NBEAL1: variants seen among roughly 807,000 people sequenced by gnomAD.
NBEAL1 encodes neurobeachin-like protein 1.
Under a neutral mutation model 351.3 loss-of-function variants are expected in NBEAL1, and 273 were observed. That is an observed-to-expected ratio of 0.78 (90% CI 0.70 to 0.86). NBEAL1 has a LOEUF of 0.86. Ranked by LOEUF, NBEAL1 falls within the 40% of genes least tolerant of loss-of-function variation. The pLI is 0.00. For synonymous variants in NBEAL1, 1,050 were observed against 1,086.4 expected (o/e 0.97, Z 0.66); for missense variants, 2,961 against 3,201.3 (o/e 0.92, Z 1.81).
Position 203,121,588 on chromosome 2 carries a change from G to A in NBEAL1, c.2593-666G>A, listed in dbSNP as rs183663622. Among the ~76,000 whole-genome samples the A allele has an allele frequency of 4.6e-3, 691 of 150,070 alleles. 8 individuals carry two copies. Among genetic ancestry groups the A allele is most frequent in the African/African-American group, 0.016 (656 of 40,840 alleles). On this transcript the variant is annotated intron_variant, in intron 18 of 55. Transcript: ENST00000683969. ...AATTGCTCGAATCTGGGAGGCAGAG[G>A]TTGCAGTGAGCCAAGATCACACCAC...
chr2:203,117,947 G>T (rs1008320034), intron 18 of NBEAL1, among the ~76,000 whole-genome samples: 1 of 151,562 alleles, frequency 6.6e-6, no homozygotes, highest in East Asian at 1.9e-4. Flanking sequence ...CTTCAGCTTC[G>T]CGAAGTGTTG....
intron 48 of NBEAL1, among the ~76,000 whole-genome samples, chr2:203,198,115 T>C (rs1469988360): frequency 6.8e-6 from 1 of 146,888 alleles, no homozygotes; most frequent in Admixed American, 7.0e-5. Context: ...TGGGCTCAGG[T>C]GACCCTTCCA....
At chr2:203,052,726 A>ATTTC (rs1411857832) in intron 4 of NBEAL1, among the ~76,000 whole-genome samples, 2 of 143,136 alleles carry the variant, frequency 1.4e-5, no homozygotes, top group African/African-American at 5.0e-5. Context: ...CCAGTTATTT[A>ATTTC]TTTATTTATT....
At position 203,050,074 on chromosome 2, in the gene NBEAL1, A is replaced by G. The variant is rs185034847; in HGVS notation, c.305+99A>G. ...GAGGGGAACATCACACACTGGGCCT[A>G]TTGGTGGGTAGGGTGCTAGGAGAGG... On this transcript the variant is annotated intron_variant, in intron 4 of 55. Coordinates refer to ENST00000683969, the MANE Select transcript of NBEAL1 (RefSeq NM_001378026.1). 1.3e-4 allele frequency: 148 copies of G among 1,113,686 alleles called. 1 individual carries two copies. The highest frequency in any genetic ancestry group is 1.0e-3 in the African/African-American group (67 of 64,344). The allele number at this position is 1,113,686 out of a possible 1,614,324, so 69.0% of individuals were successfully genotyped here.
intron 36 of NBEAL1, among the ~76,000 whole-genome samples, chr2:203,159,500 A>C (rs1026937768): frequency 6.6e-6 from 1 of 152,152 alleles, no homozygotes; most frequent in African/African-American, 2.4e-5. Context: ...AATGTTTTCA[A>C]GATTCATTCG....
chr2:203,165,962 G>A (rs2064117293), intron 36 of NBEAL1, among the ~76,000 whole-genome samples, 187 bp from the exon 37 acceptor site: 1 of 152,144 alleles, frequency 6.6e-6, no homozygotes, highest in South Asian at 2.1e-4. Context: ...AGGATTGCTT[G>A]AGCCCAGGAG....
In NBEAL1 at chr2:203,172,514, T is replaced by A. The variant is rs192818224; in HGVS notation, c.6199-215T>A. On this transcript the variant is annotated intron_variant, in intron 40 of 55. Coordinates refer to ENST00000683969, the MANE Select transcript of NBEAL1 (RefSeq NM_001378026.1). Reference sequence around the variant, plus strand: ...CCAGCCTGGGTGACAGAGCAAGACTTTGTCTCAAAAAAAAAGAAAAGAAAA... The same window carrying A: ...CCAGCCTGGGTGACAGAGCAAGACTATGTCTCAAAAAAAAAGAAAAGAAAA... Among the ~76,000 whole-genome samples the A allele has an allele frequency of 9.9e-5, 15 of 151,960 alleles. No homozygotes were observed. The East Asian group carries it at 2.9e-3, about 29-fold the overall frequency.
chr2:203,059,787 G>C lies in NBEAL1; in HGVS notation c.515+2334G>C, dbSNP rs577061426. ...TTGTCCCAGCTACTGGGGATGCCGA[G>C]GTGGGAGGACTGATTGAGCCCAATA... is the stretch of plus-strand genomic sequence containing the variant. On this transcript the variant is annotated intron_variant, in intron 6 of 55. Coordinates refer to ENST00000683969, the MANE Select transcript of NBEAL1 (RefSeq NM_001378026.1). Among the ~76,000 whole-genome samples, 9 of 152,308 alleles carry C rather than the reference G, an allele frequency of 5.9e-5. No individual in the cohort carries two copies. The South Asian group carries it at 1.5e-3, about 25-fold the overall frequency.
intron 2 of NBEAL1, among the ~76,000 whole-genome samples, chr2:203,032,966 G>T (rs1227174098): frequency 6.6e-6 from 1 of 151,044 alleles, no homozygotes; most frequent in Non-Finnish European, 1.5e-5. Context: ...TGCCCATCTG[G>T]AAGTTGTACC....
chr2:203,177,567 G>A (rs755762594), intron 42 of NBEAL1, among the ~76,000 whole-genome samples: 72 of 152,104 alleles, frequency 4.7e-4, no homozygotes, highest in Non-Finnish European at 2.1e-4. Context: ...ACAGTGAGAT[G>A]CCACTTCACA....
rs1278953879 is a variant in NBEAL1, at chr2:203,172,811, T to C, written c.6281T>C (p.Ile2094Thr). Residue 2094 changes from isoleucine (I) to threonine (T), a missense_variant, in exon 41 of 56, where the codon ATT (isoleucine) becomes ACT (threonine). Transcript: ENST00000683969. ...GTATTTCGAGATCTTTCCAAACCAA[T>C]TGGGGTAGTTAATGAAAAAAACGCC... ...PAVFRDLSKP[I>T]GVVNEKNAKA... 1.2e-6 allele frequency: 2 copies of C among 1,611,484 alleles called. No individual in the cohort carries two copies. The highest frequency in any genetic ancestry group is 1.7e-6 in the Non-Finnish European group (2 of 1,178,646).
intron 10 of NBEAL1, among the ~76,000 whole-genome samples, chr2:203,094,778 T>C (rs1249554459): frequency 6.6e-6 from 1 of 152,144 alleles, no homozygotes; most frequent in Non-Finnish European, 1.5e-5. Flanking sequence ...TACAGGGATA[T>C]GATTTGAATT....
chr2:203,037,895 T>C (rs1169490871), intron 2 of NBEAL1, among the ~76,000 whole-genome samples: 1 of 149,144 alleles, frequency 6.7e-6, no homozygotes, highest in Non-Finnish European at 1.5e-5. Context: ...TTTGAGGCCA[T>C]AGTGAACCGT....
chr2:203,190,192 ACACACACACACACACACC>A, intron 45 of NBEAL1, 82 bp from the exon 46 acceptor site: 1 of 602,622 alleles, frequency 1.7e-6, no homozygotes, highest in Non-Finnish European at 3.0e-6. Context: ...ACACACACAC[ACACACACACACACACACC>A]AATGAGCCTG....
At chr2:203,134,050 GA>G (rs1288923698) in intron 27 of NBEAL1, among the ~76,000 whole-genome samples, 3 of 151,982 alleles carry the variant, frequency 2.0e-5, no homozygotes, top group Non-Finnish European at 4.4e-5. Context: ...CCATGAAATA[GA>G]ATTGCTGTTT....
chr2:203,057,668 C>T (rs1453134069), intron 6 of NBEAL1, among the ~76,000 whole-genome samples: 2 of 151,998 alleles, frequency 1.3e-5, no homozygotes, highest in African/African-American at 4.8e-5. Flanking sequence ...TTTTGCAATG[C>T]AATTTTGAAT....
intron 8 of NBEAL1, 79 bp from the exon 9 acceptor site, chr2:203,083,140 T>C: frequency 8.1e-7 from 1 of 1,230,856 alleles, no homozygotes; most frequent in Non-Finnish European, 1.1e-6. Flanking sequence ...TGCCTGCAGA[T>C]GTATTAAATT....
intron 46 of NBEAL1, among the ~76,000 whole-genome samples, chr2:203,192,524 A>T (rs1386915801): frequency 1.3e-5 from 2 of 151,766 alleles, no homozygotes; most frequent in African/African-American, 2.4e-5. Flanking sequence ...AGCTGGGATT[A>T]CAGAGGCCCG....
intron 7 of NBEAL1, among the ~76,000 whole-genome samples, chr2:203,077,090 G>A (rs570407213): frequency 6.6e-6 from 1 of 151,904 alleles, no homozygotes. Context: ...GGCTATACAT[G>A]CATATGACAA....
Sources: allele counts gnomAD v4.1 joint callset (sites outside exome capture counted in the v4.1 genomes callset), GRCh38; gene constraint gnomAD v4.1.1; transcripts MANE v1.5; gene names NCBI Gene and HGNC (gene_info 2026-07-23, HGNC 2026-07-21).